EPHA6: variants seen among roughly 807,000 people sequenced by gnomAD.
The protein encoded by EPHA6 is EPH receptor A6.
Under a neutral mutation model 112.0 loss-of-function variants are expected in EPHA6, and 50 were observed. The observed-to-expected ratio is 0.45, with a 90% confidence interval of 0.36 to 0.56. The LOEUF is 0.56. EPHA6 is among the 20% of genes least tolerant of loss of function. EPHA6 has a pLI of 0.00. For synonymous variants in EPHA6, 529 were observed against 490.7 expected (o/e 1.08, Z -1.03); for missense variants, 1,280 against 1,417.4 (o/e 0.90, Z 1.56).
At chr3:97,479,561 G>A (rs540622954) in intron 9 of EPHA6, among the ~76,000 whole-genome samples, 197 bp downstream of exon 9, 1 of 152,044 alleles carries the variant, frequency 6.6e-6, no homozygotes, top group Admixed American at 6.5e-5. Context: ...ACATTACCTT[G>A]TTCCCAATTC....
At chr3:96,877,288 T>C (rs1241047281) in intron 2 of EPHA6, among the ~76,000 whole-genome samples, 1 of 152,080 alleles carries the variant, frequency 6.6e-6, no homozygotes, top group East Asian at 1.9e-4. Context: ...ATTTTTTGTA[T>C]TTTAGACAAT....
chr3:97,109,989 T>G (rs2108279754), intron 3 of EPHA6, among the ~76,000 whole-genome samples: 1 of 152,144 alleles, frequency 6.6e-6, no homozygotes, highest in South Asian at 2.1e-4. Flanking sequence ...TTTAATGAAA[T>G]CAATAGAAAT....
chr3:97,184,655 A>G (rs182825579), intron 3 of EPHA6, among the ~76,000 whole-genome samples: 232 of 152,316 alleles, frequency 1.5e-3, no homozygotes, highest in African/African-American at 5.3e-3. Flanking sequence ...TAAGTTATAG[A>G]TTCAATGCCA....
At chr3:97,428,944 C>T (rs781527377) in intron 6 of EPHA6, among the ~76,000 whole-genome samples, 3 of 149,732 alleles carry the variant, frequency 2.0e-5, no homozygotes, top group Non-Finnish European at 4.4e-5. Flanking sequence ...TCACAGGCAT[C>T]GGGCCTGTAT....
intron 5 of EPHA6, among the ~76,000 whole-genome samples, chr3:97,366,116 T>C (rs566806780): frequency 1.3e-5 from 2 of 152,326 alleles, no homozygotes; most frequent in Admixed American, 1.3e-4. Context: ...TTTTCGCTTA[T>C]GTTGAGATAC....
intron 2 of EPHA6, among the ~76,000 whole-genome samples, chr3:96,980,386 G>A (rs986913964): frequency 1.8e-4 from 26 of 147,890 alleles, no homozygotes; most frequent in African/African-American, 6.2e-4. Flanking sequence ...ATTTCTGAGG[G>A]GTCTGTTCTG....
rs926264048 is a variant in EPHA6 at position 97,483,849 on chromosome 3, T to A, written c.2075-85T>A. On this transcript the variant is annotated intron_variant, in intron 9 of 17. Transcript: ENST00000389672. ...ATTATCAAGACTGACTACTTCAGTA[T>A]GTCATTTCCGGTTTTAAATGTTCAC... is the stretch of plus-strand genomic sequence containing the variant. The A allele has an allele frequency of 5.4e-5, 72 of 1,324,352 alleles. No individual in the cohort carries two copies. In the Admixed American group the frequency reaches 1.9e-3, roughly 35 times the overall value. 82.0% of individuals were successfully genotyped at this position (1,324,352 alleles called of 1,614,324 possible).
intron 14 of EPHA6, among the ~76,000 whole-genome samples, chr3:97,700,777 T>C (rs1358207414): frequency 6.6e-6 from 1 of 152,218 alleles, no homozygotes; most frequent in Non-Finnish European, 1.5e-5. Flanking sequence ...AAATATTCAG[T>C]TCTGCATATT....
chr3:97,440,492 C>T (rs900828446), intron 6 of EPHA6, among the ~76,000 whole-genome samples: 1 of 151,190 alleles, frequency 6.6e-6, no homozygotes, highest in African/African-American at 2.4e-5. Context: ...AAAAAAATTT[C>T]AACAAATTTC....
At chr3:97,469,988 G>A (rs891969415) in intron 7 of EPHA6, among the ~76,000 whole-genome samples, 3 of 151,528 alleles carry the variant, frequency 2.0e-5, no homozygotes, top group African/African-American at 7.3e-5. Flanking sequence ...ATAACCCTAT[G>A]CTTTTAAACC....
intron 3 of EPHA6, among the ~76,000 whole-genome samples, chr3:97,089,412 C>A (rs2046997508): frequency 6.6e-6 from 1 of 151,928 alleles, no homozygotes; most frequent in Non-Finnish European, 1.5e-5. Flanking sequence ...GCTTATTTTT[C>A]TTTACTCATT....
chr3:97,476,946 C>T (rs1368321815), intron 8 of EPHA6, among the ~76,000 whole-genome samples: 2 of 151,798 alleles, frequency 1.3e-5, no homozygotes, highest in Non-Finnish European at 2.9e-5. Flanking sequence ...TAGAATAATG[C>T]CAGCTACAGT....
rs141483014 is a variant in EPHA6 at position 97,070,609 on chromosome 3, T to C, written c.1114+82616T>C. Among the ~76,000 whole-genome samples the C allele has an allele frequency of 4.5e-3, 686 of 152,310 alleles. 8 individuals carry two copies. The highest frequency in any genetic ancestry group is 0.015 in the African/African-American group (630 of 41,570). On this transcript the variant is annotated intron_variant, in intron 3 of 17. Transcript: ENST00000389672. ...TGTAGTGTTCTTACCCTAATATTTT[T>C]CTTTTTACAATTTGTAAATAACTTG...
rs529466238 is a variant in EPHA6 at position 97,000,533 on chromosome 3, A to G, written c.1114+12540A>G. 9.2e-5 allele frequency among the ~76,000 whole-genome samples: 14 copies of G among 151,896 alleles called. No individual in the cohort carries two copies. The South Asian group carries it at 2.9e-3, about 31-fold the overall frequency. ...GAGGGCTTTCCATCATACACAAAAT[A>G]AGGGAACTGTGCATTTTCTTTCTCT... On this transcript the variant is annotated intron_variant, in intron 3 of 17. Transcript: ENST00000389672.
At chr3:96,846,763 T>A (rs2318151) in intron 1 of EPHA6, among the ~76,000 whole-genome samples, 1 of 151,844 alleles carries the variant, frequency 6.6e-6, no homozygotes, top group Admixed American at 6.6e-5. Flanking sequence ...TGGTTTCCTA[T>A]GAAAGAAACT....
At chr3:97,320,522 C>T (rs1300079751) in intron 5 of EPHA6, among the ~76,000 whole-genome samples, 1 of 151,754 alleles carries the variant, frequency 6.6e-6, no homozygotes, top group Non-Finnish European at 1.5e-5. Context: ...AATATGATAG[C>T]TGCAGAGAAA....
intron 12 of EPHA6, among the ~76,000 whole-genome samples, chr3:97,598,701 T>C (rs1352632043): frequency 2.0e-5 from 3 of 151,514 alleles, no homozygotes; most frequent in Non-Finnish European, 4.4e-5. Context: ...GTCTTTGCTA[T>C]TGTGAATAAT....
chr3:97,448,001 A>G (rs1577442567), intron 6 of EPHA6, among the ~76,000 whole-genome samples: 2 of 152,294 alleles, frequency 1.3e-5, no homozygotes, highest in East Asian at 1.9e-4. Context: ...TATTTCCTAA[A>G]TTTTATTCAA....
chr3:96,899,530 T>G (rs2038488009), intron 2 of EPHA6, among the ~76,000 whole-genome samples: 1 of 152,228 alleles, frequency 6.6e-6, no homozygotes, highest in Admixed American at 6.5e-5. Flanking sequence ...TGTAGACTAA[T>G]TCAATATGAA....
Sources: gnomAD v4.1 joint callset for allele counts (sites outside exome capture counted in the v4.1 genomes callset) on GRCh38, gnomAD v4.1.1 for gene constraint, MANE v1.5 for transcripts, NCBI Gene and HGNC (gene_info 2026-07-23, HGNC 2026-07-21) for gene names.